TRPC5: variants seen among roughly 807,000 people sequenced by gnomAD.
The protein encoded by TRPC5 is transient receptor potential cation channel subfamily C member 5.
TRPC5 carries 9 observed loss-of-function variants against 56.5 expected under a neutral mutation model. That is an observed-to-expected ratio of 0.16 (90% confidence interval 0.10 to 0.28). The LOEUF is 0.28. Among genes scored for constraint, TRPC5 ranks in the 10% least tolerant of loss-of-function variants. TRPC5 has a pLI of 1.00. For synonymous variants in TRPC5, 282 were observed against 278.5 expected (o/e 1.01, Z -0.13); for missense variants, 469 against 748.9 (o/e 0.63, Z 4.36).
intron 2 of TRPC5, among the ~76,000 whole-genome samples, chrX:111,923,289 C>G (rs1926171220): frequency 8.9e-6 from 1 of 112,052 alleles, no homozygotes; most frequent in African/African-American, 3.2e-5. Flanking sequence ...AATGTTCTAC[C>G]TTAAACCAGA....
rs183537060 is a variant in TRPC5, at chrX:112,013,776, A to T, written c.-21-61335T>A. Among the ~76,000 whole-genome samples, 265 of 111,669 alleles carry T rather than the reference A, an allele frequency of 2.4e-3. 3 individuals are homozygous for T. The highest frequency in any genetic ancestry group is 8.1e-3 in the African/African-American group (248 of 30,757). On this transcript the variant is annotated intron_variant, in intron 1 of 10. Coordinates refer to ENST00000262839, the MANE Select transcript of TRPC5 (RefSeq NM_012471.3). ...TGTAGGGTCACACTACAAGCACATT[A>T]TATGATTTGGAGCCTCAGTCTCTAG... is the stretch of plus-strand genomic sequence containing the variant.
intron 1 of TRPC5, among the ~76,000 whole-genome samples, chrX:111,969,732 G>A (rs1927726740): frequency 9.0e-6 from 1 of 111,142 alleles, no homozygotes; most frequent in African/African-American, 3.3e-5. Context: ...TTTTGGATAG[G>A]GCAATATTTA....
intron 3 of TRPC5, among the ~76,000 whole-genome samples, chrX:111,897,628 A>G (rs779759639): frequency 8.9e-6 from 1 of 111,878 alleles, no homozygotes; most frequent in Non-Finnish European, 1.9e-5. Context: ...GGATGGAATC[A>G]TACAGCATAT....
chrX:111,817,773 C>A (rs1040170600), intron 7 of TRPC5, among the ~76,000 whole-genome samples: 2 of 111,412 alleles, frequency 1.8e-5, no homozygotes, highest in African/African-American at 6.5e-5. Context: ...TAAAGCAGAT[C>A]CAGAATCGAA....
chrX:111,776,982 G>A lies in TRPC5; in HGVS notation c.2253C>T (p.Ser751=). 8.7e-7 allele frequency: 1 copy of A among 1,143,696 alleles called. No individual in the cohort carries two copies. The highest frequency in any genetic ancestry group is 1.2e-6 in the Non-Finnish European group (1 of 863,257). 94.3% of individuals were successfully genotyped at this position (1,143,696 alleles called of 1,213,427 possible). A position where few individuals can be genotyped will look rare whatever the true frequency, so the allele number is the denominator to read the frequency against. The change falls in exon 11 of 11, where the codon TCC becomes TCT. Residue 751 remains serine, a synonymous_variant. Coordinates refer to ENST00000262839, the MANE Select transcript of TRPC5 (RefSeq NM_012471.3). ...ENFKELKQDI[S]SFRYEVLDLL... ...GGTCAAGCACTTCATACCGAAAGCT[G>A]GAGATGTCTTGCTTTAATTCCTGGG...
intron 1 of TRPC5, among the ~76,000 whole-genome samples, chrX:111,959,578 G>C (rs1234831014): frequency 8.9e-6 from 1 of 111,770 alleles, no homozygotes; most frequent in African/African-American, 3.3e-5. Flanking sequence ...CAAAGGATTT[G>C]GGTGAGGGCG....
intron 3 of TRPC5, among the ~76,000 whole-genome samples, chrX:111,876,746 A>T (rs1382165619): frequency 6.3e-5 from 7 of 111,990 alleles, no homozygotes; most frequent in Non-Finnish European, 1.3e-4. Flanking sequence ...AACTGTGGTT[A>T]TCATATACTT....
At chrX:111,966,803 T>A (rs1487009791) in intron 1 of TRPC5, among the ~76,000 whole-genome samples, 5 of 112,304 alleles carry the variant, frequency 4.5e-5, no homozygotes, top group African/African-American at 1.3e-4. Flanking sequence ...AAACTCTCAA[T>A]AAATTAGGTA....
At chrX:111,780,831 A>G (rs966296761) in intron 9 of TRPC5, among the ~76,000 whole-genome samples, 20 of 111,631 alleles carry the variant, frequency 1.8e-4, no homozygotes, top group Non-Finnish European at 3.4e-4. Context: ...TTTTTCTAGT[A>G]TCTAGTGTAG....
chrX:112,050,140 C>A (rs1483630369), intron 1 of TRPC5, among the ~76,000 whole-genome samples: 1 of 111,937 alleles, frequency 8.9e-6, no homozygotes, highest in Non-Finnish European at 1.9e-5. Context: ...TGTACCATTG[C>A]CTTGGTGACC....
chrX:112,076,110 A>C (rs893499804), intron 1 of TRPC5, among the ~76,000 whole-genome samples: 1 of 112,323 alleles, frequency 8.9e-6, no homozygotes, highest in Non-Finnish European at 1.9e-5. Context: ...GCTATTGTTT[A>C]TTTAGGGTGA....
At chrX:112,038,847 A>ATT (rs750713100) in intron 1 of TRPC5, among the ~76,000 whole-genome samples, 7,116 of 88,199 alleles carry the variant, frequency 0.081, 353 homozygotes, top group African/African-American at 0.15. Context: ...ATGCCCGGCT[A>ATT]TTTTTTTTTT....
chrX:111,892,919 G>A (rs1295500342), intron 3 of TRPC5, among the ~76,000 whole-genome samples: 1 of 111,453 alleles, frequency 9.0e-6, no homozygotes, highest in East Asian at 2.8e-4. Flanking sequence ...TTTATTAGGT[G>A]CTAATTATAT....
intron 7 of TRPC5, among the ~76,000 whole-genome samples, chrX:111,798,095 G>A (rs1921167275): frequency 1.8e-5 from 2 of 111,584 alleles, no homozygotes; most frequent in Non-Finnish European, 3.8e-5. Flanking sequence ...GTTGATGCTA[G>A]TCTATTATAT....
chrX:112,029,241 A>C (rs181432406), intron 1 of TRPC5, among the ~76,000 whole-genome samples: 18 of 111,521 alleles, frequency 1.6e-4, no homozygotes, highest in African/African-American at 5.2e-4. Flanking sequence ...GAGAATATGT[A>C]ATATAATGTC....
intron 3 of TRPC5, among the ~76,000 whole-genome samples, chrX:111,869,247 C>T (rs1037386720): frequency 1.8e-5 from 2 of 110,646 alleles, no homozygotes; most frequent in African/African-American, 6.6e-5. Context: ...TGGAAATAGC[C>T]CCTACCTTTT....
In TRPC5 at chrX:111,930,986, G is replaced by C. The variant is rs180969042; in HGVS notation, c.379-18174C>G. On this transcript the variant is annotated intron_variant, in intron 2 of 10. Transcript: ENST00000262839. The stretch of plus-strand genomic sequence containing the variant: ...GCTTGGAAAGTCATCAGGCTCTCAA[G>C]GTTACCAAAAAGGAGGAGGAGGACA... The C allele has an allele frequency of 4.5e-3, 576 of 129,160 alleles. 2 individuals carry two copies. Among genetic ancestry groups the C allele is most frequent in the Non-Finnish European group, 6.1e-3 (381 of 62,110 alleles). The allele number at this position is 129,160 out of a possible 1,213,427, so 10.6% of individuals were successfully genotyped here.
chrX:111,934,752 A>G (rs1271841617), intron 2 of TRPC5, among the ~76,000 whole-genome samples: 1 of 111,815 alleles, frequency 8.9e-6, no homozygotes, highest in Non-Finnish European at 1.9e-5. Context: ...TAATTCACTT[A>G]ACATAATGTC....
intron 7 of TRPC5, among the ~76,000 whole-genome samples, chrX:111,824,928 C>A (rs1333117875): frequency 9.0e-6 from 1 of 111,061 alleles, no homozygotes; most frequent in East Asian, 2.8e-4. Flanking sequence ...TATTTCCTTG[C>A]CAAAAATGAA....
Sources: allele counts gnomAD v4.1 joint callset (sites outside exome capture counted in the v4.1 genomes callset), GRCh38; gene constraint gnomAD v4.1.1; transcripts MANE v1.5; gene names NCBI Gene and HGNC (gene_info 2026-07-23, HGNC 2026-07-21).